CENPW: variants seen among roughly 807,000 people sequenced by gnomAD.
CENPW encodes centromere protein W.
CENPW carries 3 observed loss-of-function variants against 11.1 expected under a neutral mutation model. That is an observed-to-expected ratio of 0.27 (90% confidence interval 0.12 to 0.70). The LOEUF is 0.70. Among genes scored for constraint, CENPW ranks in the 30% least tolerant of loss-of-function variants. CENPW has a pLI of 0.77. For missense variants in CENPW, 100 were observed against 105.6 expected (o/e 0.95, Z 0.23); for synonymous variants, 38 against 42.0 (o/e 0.91, Z 0.37).
chr6:126,453,998 G>GT, the CENPW span, among the ~76,000 whole-genome samples: 70 of 151,406 alleles, frequency 4.6e-4, 1 homozygote, highest in Middle Eastern at 3.4e-3. Context: ...AATGGTAAAG[G>GT]GTTCAATTCA....
chr6:126,449,112 C>A, the CENPW span, among the ~76,000 whole-genome samples: 2 of 150,986 alleles, frequency 1.3e-5, no homozygotes, highest in African/African-American at 4.8e-5. Context: ...AAAAACAAAC[C>A]TTCTTTGATC....
At chr6:126,368,934 A>ACCC in the CENPW span, among the ~76,000 whole-genome samples, 1 of 150,280 alleles carries the variant, frequency 6.7e-6, no homozygotes, top group African/African-American at 2.5e-5. Context: ...TTTATCCCTC[A>ACCC]CCCTCCTCCC....
In CENPW at chr6:126,340,288, C is replaced by T. The variant is rs1469096388; in HGVS notation, c.15C>T (p.Thr5=). 1 of 1,613,596 alleles carries T rather than the reference C, an allele frequency of 6.2e-7. No homozygotes were observed. Among genetic ancestry groups the T allele is most frequent in the East Asian group, 2.2e-5 (1 of 44,882 alleles). ...TGACAGAGAGGATGGCGCTGTCGAC[C>T]ATAGTCTCCCAGAGGAAGCAGATAA... MALS[T]IVSQRKQIKR... Residue 5 remains threonine (T), a synonymous_variant, in exon 1 of 3, where the codon ACC becomes ACT. Transcript: ENST00000368328.
At chr6:126,474,684 T>A in the CENPW span, among the ~76,000 whole-genome samples, 34 of 152,170 alleles carry the variant, frequency 2.2e-4, no homozygotes, top group Non-Finnish European at 4.4e-4. Flanking sequence ...GTAAATCATA[T>A]GCAAACAATA....
the CENPW span, among the ~76,000 whole-genome samples, chr6:126,447,381 G>T: frequency 6.6e-6 from 1 of 151,020 alleles, no homozygotes; most frequent in African/African-American, 2.4e-5. Flanking sequence ...TGTAAACAGT[G>T]GCAAATAAAA....
the CENPW span, among the ~76,000 whole-genome samples, chr6:126,436,064 G>C: frequency 6.6e-6 from 1 of 151,820 alleles, no homozygotes; most frequent in Non-Finnish European, 1.5e-5. Flanking sequence ...TCCGGGGTCA[G>C]TGTAGGTAAG....
the CENPW span, among the ~76,000 whole-genome samples, chr6:126,461,311 G>A: frequency 0.5 from 75,093 of 151,610 alleles, 19,663 homozygotes; most frequent in East Asian, 0.97. Context: ...TGGAACTGAA[G>A]GTCCAATAAA....
the CENPW span, among the ~76,000 whole-genome samples, chr6:126,455,115 A>G: frequency 6.6e-6 from 1 of 151,356 alleles, no homozygotes; most frequent in African/African-American, 2.4e-5. Flanking sequence ...GACCAAATGG[A>G]TTTACAGCCA....
the CENPW span, among the ~76,000 whole-genome samples, chr6:126,467,462 C>A: frequency 1.3e-5 from 2 of 152,176 alleles, no homozygotes; most frequent in South Asian, 4.1e-4. Context: ...AACTAAAAAA[C>A]AAATAAATAC....
chr6:126,465,163 C>A, the CENPW span, among the ~76,000 whole-genome samples: 3 of 152,076 alleles, frequency 2.0e-5, 1 homozygote, highest in Admixed American at 2.0e-4. Context: ...TGTAATAAGA[C>A]ACAAAGTCAA....
chr6:126,447,291 G>A, the CENPW span, among the ~76,000 whole-genome samples: 1 of 151,116 alleles, frequency 6.6e-6, no homozygotes, highest in Admixed American at 6.6e-5. Context: ...TAGATGCCAG[G>A]TAAAGAATCC....
the CENPW span, among the ~76,000 whole-genome samples, chr6:126,419,675 T>G: frequency 4.4e-5 from 5 of 114,512 alleles, no homozygotes; most frequent in East Asian, 0.015. Flanking sequence ...GAAATCAAAG[T>G]GTTATAGCTG....
the CENPW span, among the ~76,000 whole-genome samples, chr6:126,461,484 A>G: frequency 6.6e-6 from 1 of 151,950 alleles, no homozygotes; most frequent in Non-Finnish European, 1.5e-5. Context: ...TATTTCAAAA[A>G]AAGAGTACTG....
chr6:126,364,448 C>T, the CENPW span, among the ~76,000 whole-genome samples: 2 of 152,078 alleles, frequency 1.3e-5, no homozygotes, highest in African/African-American at 4.8e-5. Context: ...CCAAAGTTTC[C>T]TGTTAATAAA....
the CENPW span, among the ~76,000 whole-genome samples, chr6:126,424,250 G>A: frequency 6.6e-6 from 1 of 152,016 alleles, no homozygotes; most frequent in Non-Finnish European, 1.5e-5. Flanking sequence ...CAGAGAAACT[G>A]AATTCCATTT....
chr6:126,373,249 A>G, the CENPW span, among the ~76,000 whole-genome samples: 2 of 152,200 alleles, frequency 1.3e-5, no homozygotes, highest in Non-Finnish European at 2.9e-5. Flanking sequence ...ATTATTTCAT[A>G]ATGTACTATT....
chr6:126,403,753 C>T, the CENPW span, among the ~76,000 whole-genome samples: 189 of 152,178 alleles, frequency 1.2e-3, no homozygotes, highest in Non-Finnish European at 1.9e-3. Context: ...ACAGTAAGTG[C>T]TGACATAGAA....
the CENPW span, among the ~76,000 whole-genome samples, chr6:126,371,151 G>A: frequency 6.6e-6 from 1 of 152,122 alleles, no homozygotes; most frequent in Non-Finnish European, 1.5e-5. Context: ...AAGAATGGGT[G>A]TCCTTGTCTT....
the CENPW span, among the ~76,000 whole-genome samples, chr6:126,457,748 A>G: frequency 5.3e-5 from 8 of 151,320 alleles, no homozygotes; most frequent in African/African-American, 1.9e-4. Context: ...GGCCTAATGG[A>G]AAAGCAAAAT....
Sources: allele counts gnomAD v4.1 joint callset (sites outside exome capture counted in the v4.1 genomes callset), GRCh38; gene constraint gnomAD v4.1.1; transcripts MANE v1.5; gene names NCBI Gene and HGNC (gene_info 2026-07-23, HGNC 2026-07-21).